Variants in USP37 observed in about 807,000 individuals in gnomAD.
The protein encoded by USP37 is ubiquitin carboxyl-terminal hydrolase 37.
USP37 carries 27 observed loss-of-function variants against 124.0 expected under a neutral mutation model. That is an observed-to-expected ratio of 0.22 (90% CI 0.16 to 0.30). The LOEUF (loss-of-function observed/expected upper bound fraction) is 0.30. Among genes scored for constraint, USP37 ranks in the 10% least tolerant of loss-of-function variants. The pLI is 1.00. For missense variants in USP37, 889 were observed against 1,140.4 expected (o/e 0.78, Z 3.17); for synonymous variants, 365 against 388.0 (o/e 0.94, Z 0.70).
intron 10 of USP37, chr2:218,528,506 G>A (rs1259825791): frequency 3.3e-5 from 7 of 214,924 alleles, no homozygotes; most frequent in Non-Finnish European, 5.4e-5. Flanking sequence ...ATCCACTTAT[G>A]AGTAAGAATA....
rs1157853183 is a variant in USP37 at position 218,453,736 on chromosome 2, T to C, written c.*1194A>G. On this transcript the variant is annotated 3_prime_UTR_variant, in exon 26 of 26. Coordinates refer to ENST00000258399, the MANE Select transcript of USP37 (RefSeq NM_020935.3). ...ATAAATAAATTATGCACCTTTGTTATTTGTTAGTTTTTGGGATTACCTAAG... is the reference window on the plus strand; with the variant it reads ...ATAAATAAATTATGCACCTTTGTTACTTGTTAGTTTTTGGGATTACCTAAG... 6.6e-6 allele frequency: 1 copy of C among 152,230 alleles called. No homozygotes were observed. The highest frequency in any genetic ancestry group is 2.4e-5 in the African/African-American group (1 of 41,462). The allele number at this position is 152,230 out of a possible 1,614,324, so 9.4% of individuals were successfully genotyped here.
At chr2:218,456,962 TG>T in intron 24 of USP37, 129 bp downstream of exon 24, 1 of 889,616 alleles carries the variant, frequency 1.1e-6, no homozygotes, top group Non-Finnish European at 1.6e-6. Context: ...AGAGTGAGAC[TG>T]GATCTCAAAA....
chr2:218,567,414 C>A (rs909199635), intron 1 of USP37, among the ~76,000 whole-genome samples: 2 of 152,132 alleles, frequency 1.3e-5, no homozygotes, highest in African/African-American at 2.4e-5. Context: ...CAATTACTAT[C>A]AATATGGCAG....
intron 4 of USP37, among the ~76,000 whole-genome samples, chr2:218,554,314 T>A (rs1692828183): frequency 6.6e-6 from 1 of 152,230 alleles, no homozygotes; most frequent in Non-Finnish European, 1.5e-5. Context: ...AAAATTAATT[T>A]TACGGAACAA....
chr2:218,473,701 T>C (rs568013604), intron 20 of USP37, among the ~76,000 whole-genome samples: 1 of 152,300 alleles, frequency 6.6e-6, no homozygotes, highest in South Asian at 2.1e-4. Context: ...CAAGGCAGGA[T>C]GGCTCAGCTC....
intron 10 of USP37, among the ~76,000 whole-genome samples, chr2:218,522,863 T>A (rs1339448193): frequency 6.6e-6 from 1 of 152,104 alleles, no homozygotes; most frequent in Non-Finnish European, 1.5e-5. Flanking sequence ...CAGGGCCGGA[T>A]GCGGCAGCTC....
chr2:218,482,212 G>A lies in USP37; in HGVS notation c.1693C>T (p.Arg565Ter). 2 of 1,611,722 alleles carry A rather than the reference G, an allele frequency of 1.2e-6. No individual in the cohort carries two copies. The highest frequency in any genetic ancestry group is 1.7e-6 in the Non-Finnish European group (2 of 1,178,506). The change falls in exon 17 of 26, where the codon CGA (arginine) becomes TGA (stop). Residue 565 changes from arginine (R) to a stop codon, truncating the protein, a stop_gained. Transcript: ENST00000258399. LOFTEE classifies it high-confidence loss of function. ...LPRVLILHLKRYSFNVALSLN... is the reference protein window; with the variant it reads ...LPRVLILHLK The stretch of plus-strand genomic sequence containing the variant: ...GAGAGAGCCACATTGAAGCTATATC[G>A]TTTCAAATGGAGAATGAGGACCCTG...
intron 14 of USP37, among the ~76,000 whole-genome samples, chr2:218,492,960 C>T (rs1385982314): frequency 6.6e-6 from 1 of 151,902 alleles, no homozygotes. Flanking sequence ...TAAGCTATGA[C>T]TGCACCACTG....
intron 21 of USP37, 61 bp downstream of exon 21, chr2:218,465,949 T>G (rs1690293042): frequency 1.3e-6 from 2 of 1,547,026 alleles, no homozygotes; most frequent in East Asian, 4.5e-5. Flanking sequence ...CATTAGTTAT[T>G]ATTATTATAT....
At chr2:218,480,300 T>C (rs1691193409) in intron 17 of USP37, among the ~76,000 whole-genome samples, 1 of 149,168 alleles carries the variant, frequency 6.7e-6, no homozygotes, top group African/African-American at 2.5e-5. Context: ...CGCGGGAGGC[T>C]GACGCAGGAG....
chr2:218,550,796 C>T (rs1280420766), intron 5 of USP37, among the ~76,000 whole-genome samples: 1 of 151,840 alleles, frequency 6.6e-6, no homozygotes. Context: ...TCTCTATTTG[C>T]AGTTTTTGTC....
intron 14 of USP37, among the ~76,000 whole-genome samples, chr2:218,489,898 A>G (rs576342939): frequency 2.7e-4 from 41 of 152,304 alleles, no homozygotes; most frequent in African/African-American, 9.4e-4. Context: ...GTTCAGCATG[A>G]TTGTAATATT....
intron 9 of USP37, among the ~76,000 whole-genome samples, chr2:218,533,713 C>T (rs1691464679): frequency 1.3e-5 from 2 of 152,126 alleles, no homozygotes; most frequent in Non-Finnish European, 2.9e-5. Flanking sequence ...GAAGAATATT[C>T]CTAGGGTCCT....
intron 16 of USP37, among the ~76,000 whole-genome samples, chr2:218,483,593 GAA>G (rs773885068): frequency 5.3e-5 from 6 of 114,002 alleles, no homozygotes; most frequent in Non-Finnish European, 7.4e-5. Flanking sequence ...GATCTACCAG[GAA>G]AAAAAAAAAA....
At chr2:218,506,286 C>CTTTTTT (rs60620765) in intron 11 of USP37, among the ~76,000 whole-genome samples, 2 of 72,624 alleles carry the variant, frequency 2.8e-5, no homozygotes, top group African/African-American at 5.7e-5. Flanking sequence ...TTCTTTCTGG[C>CTTTTTT]TTTTTTTTTT....
chr2:218,558,440 T>C (rs1369918394), intron 4 of USP37, 58 bp downstream of exon 4: 2 of 1,520,486 alleles, frequency 1.3e-6, no homozygotes, highest in Non-Finnish European at 1.8e-6. Context: ...TGGCACAGAA[T>C]AGCTATTTAC....
intron 17 of USP37, among the ~76,000 whole-genome samples, chr2:218,480,739 CAGAT>C (rs992366183): frequency 2.4e-4 from 36 of 152,318 alleles, no homozygotes; most frequent in African/African-American, 8.4e-4. Context: ...ATTGTACAGT[CAGAT>C]AGCTTGGCTT....
At position 218,559,337 on chromosome 2, in the gene USP37, C is replaced by T. The variant is rs575006278; in HGVS notation, c.-24-660G>A. Among the ~76,000 whole-genome samples the T allele has an allele frequency of 1.6e-4, 24 of 152,226 alleles. No homozygotes were observed. The South Asian group carries it at 2.1e-3, about 13-fold the overall frequency. Reference sequence around the variant, plus strand: ...AAACAAAACAAAACAATACAAAATTCAGGCCTCTGACTCCATTTCTTAGAA... The same window carrying T: ...AAACAAAACAAAACAATACAAAATTTAGGCCTCTGACTCCATTTCTTAGAA... On this transcript the variant is annotated intron_variant, in intron 3 of 25. Coordinates refer to ENST00000258399, the MANE Select transcript of USP37 (RefSeq NM_020935.3).
intron 8 of USP37, among the ~76,000 whole-genome samples, chr2:218,537,479 G>A (rs1291739825): frequency 6.6e-6 from 1 of 152,194 alleles, no homozygotes; most frequent in Non-Finnish European, 1.5e-5. Flanking sequence ...ACCATCTACT[G>A]ACTACAGAGG....
Sources: gnomAD v4.1 joint callset for allele counts (sites outside exome capture counted in the v4.1 genomes callset) on GRCh38, gnomAD v4.1.1 for gene constraint, MANE v1.5 for transcripts, NCBI Gene and HGNC (gene_info 2026-07-23, HGNC 2026-07-21) for gene names.